DNAI7: variants seen among roughly 807,000 people sequenced by gnomAD.
The protein encoded by DNAI7 is cancer susceptibility 1.
Under a neutral mutation model 86.6 loss-of-function variants are expected in DNAI7, and 78 were observed. The observed-to-expected ratio is 0.90, with a 90% confidence interval of 0.75 to 1.09. The LOEUF is 1.09. Among genes scored for constraint, DNAI7 ranks in the 50% least tolerant of loss-of-function variants. The pLI, the probability that DNAI7 is intolerant of heterozygous loss-of-function variation, is 0.00. For synonymous variants in DNAI7, 274 were observed against 273.0 expected (o/e 1.00, Z -0.04); for missense variants, 753 against 810.2 (o/e 0.93, Z 0.86).
At chr12:25,138,801 A>C (rs992458709) in intron 9 of DNAI7, among the ~76,000 whole-genome samples, 65 of 70,924 alleles carry the variant, frequency 9.2e-4, no homozygotes, top group Non-Finnish European at 2.5e-3. Flanking sequence ...AAGGAACTAG[A>C]GAAAAAAGAA....
In DNAI7 at chr12:25,170,760, T is replaced by C. The variant is rs183981360; in HGVS notation, c.22-9563A>G. Reference sequence around the variant, plus strand: ...ATGAGCCTCAATACATTTAAGAAAATTGAAATTTTATCCAGCACTCTCTCA... The same window carrying C: ...ATGAGCCTCAATACATTTAAGAAAACTGAAATTTTATCCAGCACTCTCTCA... On this transcript the variant is annotated intron_variant, in intron 2 of 15. Coordinates refer to ENST00000395987, the MANE Select transcript of DNAI7 (RefSeq NM_018272.5). Among the ~76,000 whole-genome samples, 19 of 152,112 alleles carry C rather than the reference T, an allele frequency of 1.2e-4. No individual in the cohort carries two copies. The East Asian group carries it at 2.1e-3, about 17-fold the overall frequency.
At chr12:25,135,921 C>A (rs968957548) in intron 9 of DNAI7, among the ~76,000 whole-genome samples, 2 of 152,052 alleles carry the variant, frequency 1.3e-5, no homozygotes, top group Non-Finnish European at 2.9e-5. Context: ...CTTTACCTAC[C>A]CTGATAGCCA....
intron 9 of DNAI7, among the ~76,000 whole-genome samples, chr12:25,126,603 G>A (rs1275168100): frequency 2.0e-5 from 3 of 152,184 alleles, no homozygotes; most frequent in East Asian, 1.9e-4. Context: ...AATTAAGGTA[G>A]AGAGTGATAA....
intron 2 of DNAI7, among the ~76,000 whole-genome samples, chr12:25,182,605 T>TACACACACACACACACACACAC (rs71065917): frequency 2.8e-4 from 37 of 132,210 alleles, no homozygotes; most frequent in Middle Eastern, 3.8e-3. Flanking sequence ...TGAGACTGTC[T>TACACACACACACACACACACAC]ACACACACAC....
intron 2 of DNAI7, among the ~76,000 whole-genome samples, chr12:25,187,417 T>C (rs1481306225): frequency 6.6e-6 from 1 of 152,134 alleles, no homozygotes; most frequent in African/African-American, 2.4e-5. Flanking sequence ...GACCTCTTAG[T>C]TTCTATGTAT....
rs1295635626 is a variant in DNAI7 at position 25,114,781 on chromosome 12, C to CA, written c.1485dup (p.Val496CysfsTer10). On this transcript the variant is annotated frameshift_variant, in exon 13 of 16. Transcript: ENST00000395987. LOFTEE classifies it high-confidence loss of function. ...ATATGAGCATCTTGAATCAAGGTAA[C>CA]AGGGCCAAAGGTGTCCAGGCTGAAT... 3.1e-6 allele frequency: 5 copies of CA among 1,613,946 alleles called. No individual in the cohort carries two copies. The highest frequency in any genetic ancestry group is 4.2e-6 in the Non-Finnish European group (5 of 1,179,968).
intron 9 of DNAI7, among the ~76,000 whole-genome samples, chr12:25,135,750 C>T (rs1201713336): frequency 6.6e-6 from 1 of 151,384 alleles, no homozygotes; most frequent in Non-Finnish European, 1.5e-5. Context: ...ACCTCTCTGG[C>T]GGCCTGTATG....
rs182933134 is a variant in DNAI7 at position 25,129,399 on chromosome 12, T to A, written c.1003-6113A>T. Among the ~76,000 whole-genome samples the A allele has an allele frequency of 1.6e-4, 25 of 152,318 alleles. No homozygotes were observed. The East Asian group carries it at 4.8e-3, about 29-fold the overall frequency. ...GGTGCCTACCACATAGAGGTAGGCG[T>A]ATGATAAATATTCAGTAAGTGAGTA... is the stretch of plus-strand genomic sequence containing the variant. On this transcript the variant is annotated intron_variant, in intron 9 of 15. Transcript: ENST00000395987.
At chr12:25,132,864 T>C (rs2140641233) in intron 9 of DNAI7, among the ~76,000 whole-genome samples, 1 of 141,428 alleles carries the variant, frequency 7.1e-6, no homozygotes. Flanking sequence ...TTCTCACTGA[T>C]GTGTACAAAT....
chr12:25,125,681 G>C (rs1942030542), intron 9 of DNAI7, among the ~76,000 whole-genome samples: 1 of 151,968 alleles, frequency 6.6e-6, no homozygotes, highest in Non-Finnish European at 1.5e-5. Context: ...TGAAATCTTT[G>C]CCCATCCTAT....
chr12:25,153,783 GA>G (rs1282282035), intron 6 of DNAI7, among the ~76,000 whole-genome samples: 1 of 152,126 alleles, frequency 6.6e-6, no homozygotes, highest in Non-Finnish European at 1.5e-5. Context: ...TTAAAGCAAT[GA>G]ATTTAAATTT....
chr12:25,163,002 AG>A lies in DNAI7; in HGVS notation c.22-1806del, dbSNP rs750590550. Among the ~76,000 whole-genome samples the A allele has an allele frequency of 8.8e-4, 134 of 152,360 alleles. 1 individual carries two copies. The highest frequency in any genetic ancestry group is 1.6e-3 in the Admixed American group (24 of 15,312). On this transcript the variant is annotated intron_variant, in intron 2 of 15. Coordinates refer to ENST00000395987, the MANE Select transcript of DNAI7 (RefSeq NM_018272.5). ...CCAAGAGGACCCACAGACCCTGTGA[AG>A]GGAGCGATCTGCTCCTGTACGACCT...
intron 2 of DNAI7, among the ~76,000 whole-genome samples, chr12:25,174,697 A>ATATATCATACATAT (rs1255599018): frequency 7.9e-6 from 1 of 127,260 alleles, no homozygotes; most frequent in Non-Finnish European, 1.6e-5. Context: ...TATGGAATAT[A>ATATATCATACATAT]GATATCATAC....
intron 2 of DNAI7, among the ~76,000 whole-genome samples, chr12:25,162,132 T>C (rs1249222882): frequency 6.6e-6 from 1 of 150,622 alleles, no homozygotes; most frequent in African/African-American, 2.4e-5. Context: ...GAAATGAAGG[T>C]GCAAGATAGG....
chr12:25,148,480 T>A (rs1040381137), intron 7 of DNAI7, among the ~76,000 whole-genome samples: 3 of 152,218 alleles, frequency 2.0e-5, no homozygotes, highest in Admixed American at 6.5e-5. Context: ...AATTATGTAT[T>A]CCTCAACAGC....
intron 2 of DNAI7, among the ~76,000 whole-genome samples, chr12:25,187,821 T>A (rs1045210784): frequency 7.2e-5 from 11 of 152,112 alleles, no homozygotes; most frequent in Admixed American, 3.9e-4. Context: ...AAATAATGCC[T>A]AAGATGGCAG....
rs189101555 is a variant in DNAI7, at chr12:25,146,425, C to G, written c.689+576G>C. Among the ~76,000 whole-genome samples the G allele has an allele frequency of 6.1e-4, 93 of 151,726 alleles. 1 individual carries two copies. The East Asian group carries it at 7.2e-3, about 12-fold the overall frequency. On this transcript the variant is annotated intron_variant, in intron 8 of 15. Transcript: ENST00000395987. ...TAACCTGACCAACATGGTGAAACCC[C>G]GTCTCTACTAAAAATACAAAAAAAT... is the stretch of plus-strand genomic sequence containing the variant.
At chr12:25,146,888 T>C (rs1592410089) in intron 8 of DNAI7, 113 bp downstream of exon 8, 1 of 614,404 alleles carries the variant, frequency 1.6e-6, no homozygotes, top group Non-Finnish European at 2.9e-6. Flanking sequence ...CTTCCTGAAA[T>C]GGGCTTTTCC....
chr12:25,186,268 A>G (rs973379582), intron 2 of DNAI7, among the ~76,000 whole-genome samples: 1 of 152,218 alleles, frequency 6.6e-6, no homozygotes, highest in Admixed American at 6.5e-5. Flanking sequence ...AATTTAAATT[A>G]CGTGAAGTTT....
Sources: allele counts gnomAD v4.1 joint callset (sites outside exome capture counted in the v4.1 genomes callset), GRCh38; gene constraint gnomAD v4.1.1; transcripts MANE v1.5; gene names NCBI Gene and HGNC (gene_info 2026-07-23, HGNC 2026-07-21).